Variants in PCDHA1 observed in about 807,000 individuals in gnomAD.
PCDHA1 encodes the protein protocadherin alpha-1.
In PCDHA1, 42 loss-of-function variants were observed where a neutral mutation model predicts 61.3. The ratio of observed to expected loss-of-function variants is 0.69; its 90% CI spans 0.54 to 0.89. PCDHA1 has a LOEUF of 0.89. PCDHA1 is among the 40% of genes least tolerant of loss of function. PCDHA1 has a pLI of 0.00. For synonymous variants in PCDHA1, 610 were observed against 553.8 expected (o/e 1.10, Z -1.43); for missense variants, 1,256 against 1,235.3 (o/e 1.02, Z -0.25).
chr5:141,002,246 C>G (rs1217451636), intron 3 of PCDHA1, among the ~76,000 whole-genome samples: 1 of 152,190 alleles, frequency 6.6e-6, no homozygotes, highest in Non-Finnish European at 1.5e-5. Flanking sequence ...CTTTATTAAC[C>G]TCAGCACTGA....
rs548585515 is a variant in PCDHA1 at position 140,853,706 on chromosome 5, G to A, written c.2394+65022G>A. 358 of 988,170 alleles carry A rather than the reference G, an allele frequency of 3.6e-4. 28 individuals are homozygous for A. The South Asian group carries it at 0.015, about 41-fold the overall frequency. The allele number at this position is 988,170 out of a possible 1,614,324, so 61.2% of individuals were successfully genotyped here. A position where few individuals can be genotyped will look rare whatever the true frequency, so the allele number is the denominator to read the frequency against. ...TATCCTTAGACCTGCTAACGCATTA[G>A]CATTAGCAGCACCTAAGTCCTCATT... On this transcript the variant is annotated intron_variant, in intron 1 of 3. Coordinates refer to ENST00000504120, the MANE Select transcript of PCDHA1 (RefSeq NM_018900.4).
rs547873702 is a variant in PCDHA1 at position 140,879,516 on chromosome 5, T to C, written c.2394+90832T>C. 3.3e-5 allele frequency among the ~76,000 whole-genome samples: 5 copies of C among 152,322 alleles called. No homozygotes were observed. The East Asian group carries it at 7.7e-4, about 23-fold the overall frequency. On this transcript the variant is annotated intron_variant, in intron 1 of 3. Transcript: ENST00000504120. The stretch of plus-strand genomic sequence containing the variant: ...TGGATCTCAGAAGAGATTATTGATA[T>C]AGATTTTGGGAACAACTCCTTTAGA...
rs2126655451 is a variant in PCDHA1, at chr5:140,814,449, CT to C, written c.2394+25777del. 833 of 141,266 alleles carry C rather than the reference CT, an allele frequency of 5.9e-3. 2 individuals are homozygous for C. The highest frequency in any genetic ancestry group is 0.014 in the African/African-American group (566 of 39,162). The allele number at this position is 141,266 out of a possible 1,614,324, so 8.8% of individuals were successfully genotyped here. A position where few individuals can be genotyped will look rare whatever the true frequency, so the allele number is the denominator to read the frequency against. ...AGGCTGTTTTGTGGTGACCTTTTTT[CT>C]TTTTTTTTTTTGAGTTAATGTATTT... On this transcript the variant is annotated intron_variant, in intron 1 of 3. Transcript: ENST00000504120.
chr5:140,913,073 G>A (rs529914576), intron 1 of PCDHA1, among the ~76,000 whole-genome samples: 7 of 152,184 alleles, frequency 4.6e-5, no homozygotes, highest in Admixed American at 1.3e-4. Flanking sequence ...ATGTGTCATT[G>A]TTTGGTATCA....
At chr5:140,848,355 C>A in intron 1 of PCDHA1, 1 of 1,031,242 alleles carries the variant, frequency 9.7e-7, no homozygotes, top group Non-Finnish European at 1.4e-6. Context: ...GCCCTTTTCC[C>A]ATGGGAAAGA....
intron 1 of PCDHA1, among the ~76,000 whole-genome samples, chr5:140,833,258 A>G (rs2150207264): frequency 1.3e-5 from 2 of 152,334 alleles, no homozygotes; most frequent in South Asian, 4.1e-4. Flanking sequence ...CCAGGAGAGC[A>G]GCAATTATAA....
rs2150251833 is a variant in PCDHA1, at chr5:140,836,067, G to A, written c.2394+47383G>A. 18 of 1,613,552 alleles carry A rather than the reference G, an allele frequency of 1.1e-5. 1 individual carries two copies. Among genetic ancestry groups the A allele is most frequent in the Non-Finnish European group, 1.4e-5 (16 of 1,179,776 alleles). On this transcript the variant is annotated intron_variant, in intron 1 of 3. Transcript: ENST00000504120. Reference sequence around the variant, plus strand: ...GTTCGTGCTGGACGAGAACGACAACGCGCCGGCACTGCTGGCGCCTCGGGT... The same window carrying A: ...GTTCGTGCTGGACGAGAACGACAACACGCCGGCACTGCTGGCGCCTCGGGT...
chr5:140,876,795 G>A (rs782560755), intron 1 of PCDHA1: 97 of 1,614,108 alleles, frequency 6.0e-5, no homozygotes, highest in Non-Finnish European at 7.5e-5. Context: ...CGGCTAGAGT[G>A]TCCGTGGAGG....
Position 140,871,296 on chromosome 5 carries a change from C to A in PCDHA1, c.2394+82612C>A. ...CGGCAACGCCCACTGAGGGCGCGTG[C>A]GCGCCGGGGAAGCCCACGCTGGTGT... On this transcript the variant is annotated intron_variant, in intron 1 of 3. Coordinates refer to ENST00000504120, the MANE Select transcript of PCDHA1 (RefSeq NM_018900.4). 7 of 1,613,892 alleles carry A rather than the reference C, an allele frequency of 4.3e-6. No homozygotes were observed. The South Asian group carries it at 4.4e-5, about 10-fold the overall frequency.
At chr5:140,843,811 A>G (rs1388764041) in intron 1 of PCDHA1, 1 of 1,276,222 alleles carries the variant, frequency 7.8e-7, no homozygotes, top group Non-Finnish European at 1.1e-6. Context: ...CGTATTTTAT[A>G]GTGAAAATTT....
chr5:140,852,579 TTTA>T, intron 1 of PCDHA1: 2 of 849,052 alleles, frequency 2.4e-6, no homozygotes, highest in African/African-American at 1.9e-5. Flanking sequence ...CCAAGGCTTT[TTTA>T]TTTTTTTTTT....
chr5:140,980,359 C>T (rs369647369), intron 2 of PCDHA1, among the ~76,000 whole-genome samples: 1 of 152,114 alleles, frequency 6.6e-6, no homozygotes. Context: ...GGACTGGGCG[C>T]GGTGGCTCAC....
rs2150121696 is a variant in PCDHA1 at position 140,823,053 on chromosome 5, G to C, written c.2394+34369G>C. 3 of 1,614,190 alleles carry C rather than the reference G, an allele frequency of 1.9e-6. No homozygotes were observed. In the Admixed American group the frequency reaches 5.0e-5, roughly 27 times the overall value. On this transcript the variant is annotated intron_variant, in intron 1 of 3. Coordinates refer to ENST00000504120, the MANE Select transcript of PCDHA1 (RefSeq NM_018900.4). ...CGGTCTATGAGCTGGTGGTGACCGC[G>C]CGGGACGGGGGCTCGCCTTCGCTGT...
intron 1 of PCDHA1, chr5:140,811,929 A>C (rs1399934470): frequency 2.6e-5 from 4 of 151,600 alleles, no homozygotes; most frequent in African/African-American, 9.7e-5. Context: ...GATTGCAAAA[A>C]TTTTCTCCCA....
rs2150408028 is a variant in PCDHA1, at chr5:140,848,285, C to G, written c.2394+59601C>G. 1.1e-4 allele frequency: 65 copies of G among 617,022 alleles called. 3 individuals carry two copies. The South Asian group carries it at 1.4e-3, about 14-fold the overall frequency. The allele number at this position is 617,022 out of a possible 1,614,324, so 38.2% of individuals were successfully genotyped here. On this transcript the variant is annotated intron_variant, in intron 1 of 3. Transcript: ENST00000504120. The stretch of plus-strand genomic sequence containing the variant: ...TTTATTCATGAAATATGTACTTACA[C>G]TTTGGGCCACGTGATGTCACTCTTT...
chr5:140,888,288 C>G (rs1328691042), intron 1 of PCDHA1, among the ~76,000 whole-genome samples: 1 of 152,108 alleles, frequency 6.6e-6, no homozygotes, highest in African/African-American at 2.4e-5. Context: ...CCCTCTACCC[C>G]CTACCCAGGA....
chr5:140,966,742 G>T, intron 1 of PCDHA1: 1 of 1,422,480 alleles, frequency 7.0e-7, no homozygotes, highest in African/African-American at 1.5e-5. Context: ...GCCCTGCCCG[G>T]CTGCCTCCGC....
At chr5:140,913,203 G>A (rs2076251339) in intron 1 of PCDHA1, among the ~76,000 whole-genome samples, 1 of 152,182 alleles carries the variant, frequency 6.6e-6, no homozygotes, top group African/African-American at 2.4e-5. Flanking sequence ...TGGCAGTGAA[G>A]CCAATGGGTC....
chr5:140,834,580 C>A lies in PCDHA1; in HGVS notation c.2394+45896C>A, dbSNP rs782011323. 9 of 1,613,900 alleles carry A rather than the reference C, an allele frequency of 5.6e-6. No homozygotes were observed. The Admixed American group carries it at 8.3e-5, about 15-fold the overall frequency. Reference sequence around the variant, plus strand: ...GAGCTGGTGCCGCGCCTGTTCCGGGCGGTGTGCAAATTCCGTGGGGATCTT... The same window carrying A: ...GAGCTGGTGCCGCGCCTGTTCCGGGAGGTGTGCAAATTCCGTGGGGATCTT... On this transcript the variant is annotated intron_variant, in intron 1 of 3. Coordinates refer to ENST00000504120, the MANE Select transcript of PCDHA1 (RefSeq NM_018900.4).
Sources: gnomAD v4.1 joint callset for allele counts (sites outside exome capture counted in the v4.1 genomes callset) on GRCh38, gnomAD v4.1.1 for gene constraint, MANE v1.5 for transcripts, NCBI Gene and HGNC (gene_info 2026-07-23, HGNC 2026-07-21) for gene names.